UBR3: variants seen among roughly 807,000 people sequenced by gnomAD.
The protein encoded by UBR3 is E3 ubiquitin-protein ligase UBR3.
A neutral mutation model predicts 243.2 loss-of-function variants in UBR3; 85 were observed. The ratio of observed to expected loss-of-function variants is 0.35; its 90% CI spans 0.29 to 0.42. The LOEUF (loss-of-function observed/expected upper bound fraction) is 0.42, where lower values mean the gene tolerates loss of function less well. UBR3 is among the 10% of genes least tolerant of loss of function. The probability of loss-of-function intolerance (pLI) is 1.00; values close to 1 mark genes in which losing one functional copy is unlikely to be tolerated. For missense variants in UBR3, 1,686 were observed against 2,300.8 expected, an observed-to-expected ratio of 0.73 and a Z score of 5.47; for synonymous variants, 748 against 799.8, an observed-to-expected ratio of 0.94 and a Z score of 1.09.
chr2:169,873,380 T>C (rs1281994369), intron 2 of UBR3, among the ~76,000 whole-genome samples: 1 of 152,154 alleles, frequency 6.6e-6, no homozygotes, highest in African/African-American at 2.4e-5. Context: ...TCTTAAAATA[T>C]AGAAAAATAA....
rs548594446 is a variant in UBR3 at position 170,054,562 on chromosome 2, G to A, written c.4661-898G>A. On this transcript the variant is annotated intron_variant, in intron 32 of 38. Coordinates refer to ENST00000272793, the MANE Select transcript of UBR3 (RefSeq NM_172070.4). ...CTCCCAAAGTGCTGGGATTACAGGC[G>A]TGAGCCACCGCCCCTGGCCACACCC... Among the ~76,000 whole-genome samples, 371 of 152,156 alleles carry A rather than the reference G, an allele frequency of 2.4e-3. 2 individuals carry two copies. The highest frequency in any genetic ancestry group is 8.6e-3 in the African/African-American group (358 of 41,504).
chr2:170,041,555 A>G (rs1330529005), intron 32 of UBR3, among the ~76,000 whole-genome samples: 2 of 152,220 alleles, frequency 1.3e-5, no homozygotes, highest in Non-Finnish European at 2.9e-5. Context: ...TTATTATATT[A>G]ACAGCATCAG....
intron 21 of UBR3, 97 bp from the exon 22 acceptor site, chr2:169,947,445 G>C (rs1167864927): frequency 2.2e-6 from 2 of 903,706 alleles, no homozygotes; most frequent in Non-Finnish European, 3.0e-6. Flanking sequence ...TCAGGATTAT[G>C]ATAGGCAGTG....
chr2:169,955,350 T>C (rs1372786823), intron 23 of UBR3, among the ~76,000 whole-genome samples: 1 of 152,194 alleles, frequency 6.6e-6, no homozygotes, highest in African/African-American at 2.4e-5. Flanking sequence ...TTTTATTTTA[T>C]GGGTTATAAT....
intron 1 of UBR3, among the ~76,000 whole-genome samples, chr2:169,866,858 GTAA>G (rs2083282870): frequency 6.6e-6 from 1 of 152,198 alleles, no homozygotes; most frequent in Non-Finnish European, 1.5e-5. Context: ...TCTCTGCACT[GTAA>G]TCTGCTGACC....
intron 36 of UBR3, among the ~76,000 whole-genome samples, chr2:170,074,111 G>T (rs2091756804): frequency 1.3e-5 from 2 of 152,126 alleles, no homozygotes; most frequent in Admixed American, 6.5e-5. Context: ...CAGAATTCTA[G>T]AACTACAGTT....
intron 24 of UBR3, among the ~76,000 whole-genome samples, chr2:169,972,838 C>G (rs1175793755): frequency 6.6e-6 from 1 of 151,608 alleles, no homozygotes; most frequent in Non-Finnish European, 1.5e-5. Flanking sequence ...GGAAGCATTC[C>G]CTTTGAAAAC....
At chr2:169,956,114 C>T (rs2087274927) in intron 23 of UBR3, among the ~76,000 whole-genome samples, 1 of 151,930 alleles carries the variant, frequency 6.6e-6, no homozygotes, top group Admixed American at 6.6e-5. Context: ...ATCCATCCCT[C>T]TAGGAGTCAT....
At chr2:170,069,838 C>A (rs751202033) in intron 35 of UBR3, among the ~76,000 whole-genome samples, 1 of 151,956 alleles carries the variant, frequency 6.6e-6, no homozygotes, top group African/African-American at 2.4e-5. Flanking sequence ...ATACTAAGAG[C>A]CTTAGATGTT....
intron 25 of UBR3, among the ~76,000 whole-genome samples, chr2:169,987,879 A>C (rs1342535385): frequency 6.9e-6 from 1 of 144,932 alleles, no homozygotes; most frequent in African/African-American, 2.6e-5. Context: ...TACTGTGGCC[A>C]AATATGTTTT....
At chr2:169,841,547 C>T (rs568347973) in intron 1 of UBR3, among the ~76,000 whole-genome samples, 4 of 152,332 alleles carry the variant, frequency 2.6e-5, no homozygotes, top group Middle Eastern at 3.4e-3. Flanking sequence ...AGGCACGAGC[C>T]GGAACTGGGG....
In UBR3 at chr2:169,883,679, T is replaced by C. The variant is rs2083979437; in HGVS notation, c.1038+5105T>C. ...CTTATAAATTTTCTATCTATTTTAG[T>C]GGCACTATCTCTTGGGAAAAAATAC... On this transcript the variant is annotated intron_variant, in intron 5 of 38. Coordinates refer to ENST00000272793, the MANE Select transcript of UBR3 (RefSeq NM_172070.4). Among the ~76,000 whole-genome samples, 4 of 152,330 alleles carry C rather than the reference T, an allele frequency of 2.6e-5. No individual in the cohort carries two copies. In the South Asian group the frequency reaches 8.3e-4, roughly 32 times the overall value.
chr2:169,960,670 T>C (rs1235908268), intron 24 of UBR3, among the ~76,000 whole-genome samples: 1 of 152,158 alleles, frequency 6.6e-6, no homozygotes, highest in Non-Finnish European at 1.5e-5. Flanking sequence ...AATGAACTAA[T>C]AAGCACCCCA....
At chr2:170,023,375 CAGT>C (rs753157855) in intron 30 of UBR3, among the ~76,000 whole-genome samples, 2 of 151,724 alleles carry the variant, frequency 1.3e-5, no homozygotes, top group Admixed American at 6.6e-5. Flanking sequence ...TGCATTTTAA[CAGT>C]GGTACGATTT....
chr2:170,074,008 T>C (rs1404041406), intron 36 of UBR3, among the ~76,000 whole-genome samples: 2 of 152,206 alleles, frequency 1.3e-5, no homozygotes, highest in East Asian at 3.9e-4. Flanking sequence ...TTCTTGGGCC[T>C]ATGCTACCAG....
At chr2:170,045,425 T>G (rs2091060034) in intron 32 of UBR3, among the ~76,000 whole-genome samples, 1 of 152,128 alleles carries the variant, frequency 6.6e-6, no homozygotes, top group Non-Finnish European at 1.5e-5. Flanking sequence ...GTTTGGATCA[T>G]GTTGCTGTTC....
intron 24 of UBR3, among the ~76,000 whole-genome samples, chr2:169,959,755 C>G (rs541380309): frequency 6.6e-6 from 1 of 151,936 alleles, no homozygotes; most frequent in Non-Finnish European, 1.5e-5. Flanking sequence ...GTACAGTACC[C>G]GGTCTGAGGC....
At chr2:169,866,194 T>A (rs1190115442) in intron 1 of UBR3, among the ~76,000 whole-genome samples, 4 of 112,258 alleles carry the variant, frequency 3.6e-5, no homozygotes, top group African/African-American at 1.5e-4. Context: ...TTTATGGGAA[T>A]ACAGCTTTTA....
chr2:169,933,785 A>T (rs2086224846), intron 19 of UBR3, among the ~76,000 whole-genome samples: 1 of 152,182 alleles, frequency 6.6e-6, no homozygotes, highest in African/African-American at 2.4e-5. Context: ...AGTAATAGAA[A>T]TATCTATCAC....
Sources: allele counts gnomAD v4.1 joint callset (sites outside exome capture counted in the v4.1 genomes callset), GRCh38; gene constraint gnomAD v4.1.1; transcripts MANE v1.5; gene names NCBI Gene and HGNC (gene_info 2026-07-23, HGNC 2026-07-21).